CD44: variants seen among roughly 807,000 people sequenced by gnomAD.
The protein encoded by CD44 is CD44 molecule (IN blood group).
CD44 carries 49 observed loss-of-function variants against 88.8 expected under a neutral mutation model. That is an observed-to-expected ratio of 0.55 (90% CI 0.44 to 0.70). The LOEUF (loss-of-function observed/expected upper bound fraction) is 0.70. Ranked by LOEUF, CD44 falls within the 30% of genes least tolerant of loss-of-function variation. The pLI is 0.00. For missense variants in CD44, 883 were observed against 913.8 expected, an observed-to-expected ratio of 0.97 and a Z score of 0.43; for synonymous variants, 325 against 312.3, an observed-to-expected ratio of 1.04 and a Z score of -0.43.
chr11:35,146,640 G>T (rs538776500), intron 1 of CD44, among the ~76,000 whole-genome samples: 4 of 152,212 alleles, frequency 2.6e-5, no homozygotes, highest in African/African-American at 7.2e-5. Flanking sequence ...TAAGTAGCTT[G>T]CCCAAGGCCA....
chr11:35,139,769 G>A (rs1482628302), intron 1 of CD44, among the ~76,000 whole-genome samples: 1 of 152,254 alleles, frequency 6.6e-6, no homozygotes. Flanking sequence ...GCAGAGCTGG[G>A]CGGGGCAGAG....
At chr11:35,209,896 T>C (rs2134173030) in intron 12 of CD44, 69 bp from the exon 13 acceptor site, 1 of 1,032,006 alleles carries the variant, frequency 9.7e-7, no homozygotes, top group Non-Finnish European at 1.4e-6. Context: ...TAGATTTTCC[T>C]TGCTAGCAGA....
chr11:35,201,232 C>T, intron 8 of CD44, 37 bp downstream of exon 8: 1 of 1,383,522 alleles, frequency 7.2e-7, no homozygotes, highest in Non-Finnish European at 1.0e-6. Context: ...AGATTTTTTT[C>T]CCCTCAAAGC....
In CD44 at chr11:35,211,241, C is replaced by T; in HGVS notation, c.1607-5C>T. The T allele has an allele frequency of 1.2e-6, 2 of 1,611,000 alleles. No homozygotes were observed. Among genetic ancestry groups the T allele is most frequent in the Non-Finnish European group, 1.7e-6 (2 of 1,177,274 alleles). ...GGGTTCATCACTGATTCCACCTCCA[C>T]ACAGATAGGAATGATGTCACAGGTG... is the stretch of plus-strand genomic sequence containing the variant. On this transcript the variant is annotated splice_polypyrimidine_tract_variant and splice_region_variant and intron_variant, in intron 13 of 17. Transcript: ENST00000428726.
chr11:35,187,378 G>A (rs1276769706), intron 4 of CD44, among the ~76,000 whole-genome samples: 3 of 152,096 alleles, frequency 2.0e-5, no homozygotes, highest in Admixed American at 2.0e-4. Context: ...ACTTGAAACT[G>A]CTCTCTGGTT....
chr11:35,214,864 C>G lies in CD44; in HGVS notation c.1823C>G (p.Thr608Arg). The G allele has an allele frequency of 6.4e-7, 1 of 1,554,168 alleles. No individual in the cohort carries two copies. ...VNRSLSGDQD[T>R]FHPSGGSHTT... ...TTGCTCATTACAGGAGACCAAGACA[C>G]ATTCCACCCCAGTGGGGGGTCCCAT... Residue 608 changes from threonine to arginine, a missense_variant, in exon 15 of 18, where the codon ACA becomes AGA. Transcript: ENST00000428726.
chr11:35,226,775 G>A (rs1301633689), intron 17 of CD44, among the ~76,000 whole-genome samples: 3 of 151,612 alleles, frequency 2.0e-5, no homozygotes, highest in Non-Finnish European at 4.4e-5. Flanking sequence ...TGGTATTATT[G>A]ATGCAAAACT....
intron 1 of CD44, among the ~76,000 whole-genome samples, chr11:35,148,765 A>T (rs950268061): frequency 2.6e-5 from 4 of 152,160 alleles, no homozygotes; most frequent in African/African-American, 9.7e-5. Context: ...CTCAATAAAC[A>T]CTTGGATGGC....
intron 1 of CD44, among the ~76,000 whole-genome samples, chr11:35,158,120 G>A (rs1437549918): frequency 6.6e-6 from 1 of 152,176 alleles, no homozygotes; most frequent in African/African-American, 2.4e-5. Flanking sequence ...AAAAACTCTG[G>A]AAAACTCATC....
At chr11:35,187,872 G>T (rs963694047) in intron 4 of CD44, among the ~76,000 whole-genome samples, 4 of 152,022 alleles carry the variant, frequency 2.6e-5, no homozygotes, top group Non-Finnish European at 5.9e-5. Flanking sequence ...ATATATTCGG[G>T]CACTTTTTAA....
chr11:35,226,490 G>A (rs749408050), intron 17 of CD44, among the ~76,000 whole-genome samples: 7 of 152,162 alleles, frequency 4.6e-5, no homozygotes, highest in Non-Finnish European at 8.8e-5. Flanking sequence ...AACGAGGTAG[G>A]TGGAGGCAGC....
intron 2 of CD44, 118 bp from the exon 3 acceptor site, chr11:35,180,156 A>G: frequency 1.0e-6 from 1 of 965,472 alleles, no homozygotes; most frequent in Non-Finnish European, 1.6e-6. Context: ...GAAACCTCCG[A>G]TATCCCTAGG....
chr11:35,186,835 C>T lies in CD44; in HGVS notation c.371C>T (p.Pro124Leu), dbSNP rs1317610384. The change falls in exon 4 of 18, where the codon CCA becomes CTA. Residue 124 changes from proline to leucine, a missense_variant. Coordinates refer to ENST00000428726, the MANE Select transcript of CD44 (RefSeq NM_000610.4). ...TCCTTTTTTTCCTACCTCATAGCTC[C>T]ACCTGAAGAAGATTGTACATCAGTC... Reference protein sequence around the residue: ...YDTYCFNASAPPEEDCTSVTD... With the variant: ...YDTYCFNASALPEEDCTSVTD... 3.1e-6 allele frequency: 5 copies of T among 1,598,460 alleles called. No homozygotes were observed. The highest frequency in any genetic ancestry group is 1.7e-5 in the Admixed American group (1 of 59,958).
At chr11:35,160,439 G>A (rs1339531968) in intron 1 of CD44, among the ~76,000 whole-genome samples, 1 of 152,170 alleles carries the variant, frequency 6.6e-6, no homozygotes, top group Non-Finnish European at 1.5e-5. Context: ...AGTCCACCCT[G>A]TCTGACGCAT....
chr11:35,221,811 C>T (rs1392188044), intron 17 of CD44, 79 bp downstream of exon 17: 44 of 1,301,292 alleles, frequency 3.4e-5, no homozygotes, highest in African/African-American at 4.4e-5. Context: ...CTGCTCAGAG[C>T]GTAGTCCCTG....
intron 1 of CD44, among the ~76,000 whole-genome samples, chr11:35,175,706 T>C (rs1944381281): frequency 6.6e-6 from 1 of 152,238 alleles, no homozygotes; most frequent in Non-Finnish European, 1.5e-5. Context: ...TTAAAAACTT[T>C]GTTGCAGAGC....
chr11:35,197,995 G>T lies in CD44; in HGVS notation c.797-126G>T, dbSNP rs1353816491. 5 of 964,506 alleles carry T rather than the reference G, an allele frequency of 5.2e-6. No homozygotes were observed. In the Admixed American group the frequency reaches 1.1e-4, roughly 22 times the overall value. 59.7% of individuals were successfully genotyped at this position (964,506 alleles called of 1,614,324 possible). On this transcript the variant is annotated intron_variant, in intron 6 of 17. Transcript: ENST00000428726. Reference sequence around the variant, plus strand: ...GAACATAAGAATTTGGGGTATGCAAGTCAACTCCCTCACTTTCTTTTAAAA... The same window carrying T: ...GAACATAAGAATTTGGGGTATGCAATTCAACTCCCTCACTTTCTTTTAAAA...
chr11:35,188,227 C>T (rs1220063328), intron 4 of CD44, among the ~76,000 whole-genome samples: 1 of 152,154 alleles, frequency 6.6e-6, no homozygotes, highest in Non-Finnish European at 1.5e-5. Flanking sequence ...AAACCCAGCC[C>T]CACATTGTTA....
Position 35,208,226 on chromosome 11 carries a change from G to T in CD44, c.1516+20G>T. 2 of 1,487,452 alleles carry T rather than the reference G, an allele frequency of 1.3e-6. No homozygotes were observed. The highest frequency in any genetic ancestry group is 1.9e-6 in the Non-Finnish European group (2 of 1,064,744). The allele number at this position is 1,487,452 out of a possible 1,614,324, so 92.1% of individuals were successfully genotyped here. A position where few individuals can be genotyped will look rare whatever the true frequency, so the allele number is the denominator to read the frequency against. ...CAACGCGTAAGAATAACGATGCTCA[G>T]CCACTTTATTGACTTGTATTCCTGC... On this transcript the variant is annotated intron_variant, in intron 12 of 17. Coordinates refer to ENST00000428726, the MANE Select transcript of CD44 (RefSeq NM_000610.4).
Sources: gnomAD v4.1 joint callset for allele counts (sites outside exome capture counted in the v4.1 genomes callset) on GRCh38, gnomAD v4.1.1 for gene constraint, MANE v1.5 for transcripts, NCBI Gene and HGNC (gene_info 2026-07-23, HGNC 2026-07-21) for gene names.